TXNDC12: variants seen among roughly 807,000 people sequenced by gnomAD.
TXNDC12 encodes the protein thioredoxin domain containing 12.
Under a neutral mutation model 24.2 loss-of-function variants are expected in TXNDC12, and 22 were observed. The observed-to-expected ratio is 0.91, with a 90% CI of 0.65 to 1.30. TXNDC12 has a LOEUF of 1.30. Ranked by LOEUF, TXNDC12 falls within the 50% of genes most tolerant of loss-of-function variation. The probability of loss-of-function intolerance (pLI) is 0.00; values close to 1 mark genes in which losing one functional copy is unlikely to be tolerated. For missense variants in TXNDC12, 184 were observed against 205.8 expected (o/e 0.89, Z 0.65); for synonymous variants, 58 against 73.4 (o/e 0.79, Z 1.07).
At chr1:52,053,474 C>T (rs1399063168) in intron 1 of TXNDC12, among the ~76,000 whole-genome samples, 1 of 152,000 alleles carries the variant, frequency 6.6e-6, no homozygotes, top group Non-Finnish European at 1.5e-5. Context: ...ACCAGCCTTG[C>T]CAACATAGTG....
intron 1 of TXNDC12, chr1:52,052,366 G>C (rs1686229172): frequency 6.0e-6 from 1 of 167,866 alleles, no homozygotes; most frequent in Non-Finnish European, 1.5e-5. Flanking sequence ...GGGTGAGGGT[G>C]GGGGTCCTAA....
At chr1:52,032,975 G>A (rs759082165) in intron 2 of TXNDC12, 1 of 1,579,182 alleles carries the variant, frequency 6.3e-7, no homozygotes, top group Admixed American at 1.8e-5. Context: ...GCGAGGGGCT[G>A]GGACTGCGTA....
Position 52,021,104 on chromosome 1 carries a change from T to C in TXNDC12, c.440-92A>G. 3 of 967,830 alleles carry C rather than the reference T, an allele frequency of 3.1e-6. No homozygotes were observed. In the South Asian group the frequency reaches 4.1e-5, roughly 13 times the overall value. The allele number at this position is 967,830 out of a possible 1,614,324, so 60.0% of individuals were successfully genotyped here. ...ACACTTTTAAATGTTTCAGAAGAAA[T>C]ATGAGAGGAGTACAAGATCTGGACT... is the stretch of plus-strand genomic sequence containing the variant. On this transcript the variant is annotated intron_variant, in intron 6 of 6. Transcript: ENST00000371626.
intron 4 of TXNDC12, 193 bp from the exon 5 acceptor site, chr1:52,024,772 G>T: frequency 1.9e-6 from 1 of 521,602 alleles, no homozygotes; most frequent in Non-Finnish European, 3.5e-6. Context: ...CAGCTACACT[G>T]ACCTCTTGCT....
At chr1:52,052,741 C>A (rs924040016) in intron 1 of TXNDC12, 4 of 152,278 alleles carry the variant, frequency 2.6e-5, no homozygotes, top group African/African-American at 9.7e-5. Context: ...AACAACCACA[C>A]AAAGCTTAAT....
At chr1:52,026,143 T>G (rs995339991) in intron 4 of TXNDC12, among the ~76,000 whole-genome samples, 1 of 152,168 alleles carries the variant, frequency 6.6e-6, no homozygotes, top group Non-Finnish European at 1.5e-5. Flanking sequence ...TAAACATTAT[T>G]TTTACAGAAA....
At chr1:52,030,488 T>C (rs1685734674) in intron 2 of TXNDC12, 1 of 152,172 alleles carries the variant, frequency 6.6e-6, no homozygotes. Flanking sequence ...ACCAACTTAA[T>C]GAAGGTTGGA....
chr1:52,021,692 G>C (rs1388241260), intron 6 of TXNDC12, among the ~76,000 whole-genome samples: 1 of 152,044 alleles, frequency 6.6e-6, no homozygotes, highest in East Asian at 1.9e-4. Flanking sequence ...AGCTATTTCA[G>C]TATAGGCTCC....
intron 2 of TXNDC12, among the ~76,000 whole-genome samples, chr1:52,036,983 G>A (rs1245378376): frequency 6.6e-6 from 1 of 152,132 alleles, no homozygotes; most frequent in East Asian, 1.9e-4. Context: ...GGAATTTATT[G>A]TTTCAGGCTT....
chr1:52,033,754 A>G, intron 2 of TXNDC12: 1 of 1,597,708 alleles, frequency 6.3e-7, no homozygotes, highest in Non-Finnish European at 8.5e-7. Context: ...AAACACCACG[A>G]GCGGCATCCT....
chr1:52,032,130 G>A, intron 2 of TXNDC12: 1 of 961,682 alleles, frequency 1.0e-6, no homozygotes, highest in Non-Finnish European at 1.2e-6. Context: ...TTTTATTAGA[G>A]GAAATAATCT....
intron 5 of TXNDC12, among the ~76,000 whole-genome samples, 192 bp from the exon 6 acceptor site, chr1:52,023,766 C>T (rs1685634860): frequency 6.6e-6 from 1 of 152,038 alleles, no homozygotes; most frequent in Non-Finnish European, 1.5e-5. Flanking sequence ...CCCCATAAAA[C>T]CTAGCAGAAT....
At chr1:52,028,753 G>A in intron 2 of TXNDC12, 123 bp from the exon 3 acceptor site, 1 of 760,060 alleles carries the variant, frequency 1.3e-6, no homozygotes, top group Non-Finnish European at 2.2e-6. Context: ...TTAGACAAAT[G>A]TTCAATAATA....
chr1:52,026,814 TC>T (rs1373233494), intron 4 of TXNDC12, among the ~76,000 whole-genome samples: 4 of 152,194 alleles, frequency 2.6e-5, no homozygotes, highest in Admixed American at 6.5e-5. Flanking sequence ...GGTGGGTAGA[TC>T]ACCAGAGGTC....
chr1:52,052,782 T>C (rs1454576471), intron 1 of TXNDC12: 1 of 152,158 alleles, frequency 6.6e-6, no homozygotes, highest in East Asian at 1.9e-4. Flanking sequence ...ACAAAATACC[T>C]GATTCCAAGG....
rs545535893 is a variant in TXNDC12 at position 52,043,788 on chromosome 1, G to A, written c.98-2191C>T. ...CCAAGCTGAGATTTAAATTGCAATC[G>A]TGTGCCATTCTGGTTTACTACACTC... On this transcript the variant is annotated intron_variant, in intron 1 of 6. Coordinates refer to ENST00000371626, the MANE Select transcript of TXNDC12 (RefSeq NM_015913.4). 4.6e-5 allele frequency among the ~76,000 whole-genome samples: 7 copies of A among 152,272 alleles called. No homozygotes were observed. The East Asian group carries it at 7.7e-4, about 17-fold the overall frequency.
intron 2 of TXNDC12, chr1:52,032,420 T>C: frequency 2.5e-6 from 3 of 1,192,216 alleles, no homozygotes; most frequent in Non-Finnish European, 3.1e-6. Context: ...ATAGCCCAAG[T>C]AGGATCCAAT....
Position 52,047,006 on chromosome 1 carries a change from G to A in TXNDC12, c.98-5409C>T, listed in dbSNP as rs566621086. ...TGCAGTAAGCCAAGATCATGCCACT[G>A]CACTCCAGCCTGGGTAACAGAGTGA... On this transcript the variant is annotated intron_variant, in intron 1 of 6. Transcript: ENST00000371626. Among the ~76,000 whole-genome samples, 11 of 151,860 alleles carry A rather than the reference G, an allele frequency of 7.2e-5. No individual in the cohort carries two copies. The South Asian group carries it at 2.1e-3, about 29-fold the overall frequency.
In TXNDC12 at chr1:52,020,717, AAGG is replaced by A. The variant is rs1181155511; in HGVS notation, c.*213_*215del. On this transcript the variant is annotated 3_prime_UTR_variant, in exon 7 of 7. Transcript: ENST00000371626. ...AAGTTGACATTTAGGTGAGAGGGAA[AAGG>A]AGAAGAAAGTCTGCCACTCTCCGCT... The A allele has an allele frequency of 4.2e-5, 21 of 500,192 alleles. No homozygotes were observed. The highest frequency in any genetic ancestry group is 2.3e-4 in the African/African-American group (12 of 51,552). The allele number at this position is 500,192 out of a possible 1,614,324, so 31.0% of individuals were successfully genotyped here.
Sources: gnomAD v4.1 joint callset for allele counts (sites outside exome capture counted in the v4.1 genomes callset) on GRCh38, gnomAD v4.1.1 for gene constraint, MANE v1.5 for transcripts, NCBI Gene and HGNC (gene_info 2026-07-23, HGNC 2026-07-21) for gene names.